The following SDK1 variants were observed in gnomAD, a reference collection of about 807,000 sequenced individuals.
SDK1 encodes the protein sidekick cell adhesion molecule 1.
SDK1 carries 157 observed loss-of-function variants against 245.5 expected under a neutral mutation model. That is an observed-to-expected ratio of 0.64 (90% CI 0.56 to 0.73). SDK1 has a LOEUF of 0.73. Among genes scored for constraint, SDK1 ranks in the 30% least tolerant of loss-of-function variants. The probability of loss-of-function intolerance (pLI) is 0.00; values close to 1 mark genes in which losing one functional copy is unlikely to be tolerated. For missense variants in SDK1, 3,583 were observed against 3,002.3 expected (o/e 1.19, Z -4.52); for synonymous variants, 1,647 against 1,278.5 (o/e 1.29, Z -6.15).
At chr7:3,894,112 C>G (rs1031639639) in intron 5 of SDK1, among the ~76,000 whole-genome samples, 1 of 152,186 alleles carries the variant, frequency 6.6e-6, no homozygotes, top group African/African-American at 2.4e-5. Flanking sequence ...ATGCTTGAAG[C>G]TTTTCATGCA....
chr7:3,809,764 C>T (rs1053621717), intron 4 of SDK1, among the ~76,000 whole-genome samples: 5 of 152,188 alleles, frequency 3.3e-5, no homozygotes, highest in Non-Finnish European at 5.9e-5. Flanking sequence ...TCACGTGGAG[C>T]GAGGGTCAAG....
At chr7:4,225,586 G>T (rs540546135) in intron 40 of SDK1, among the ~76,000 whole-genome samples, 2 of 152,200 alleles carry the variant, frequency 1.3e-5, no homozygotes, top group Non-Finnish European at 2.9e-5. Context: ...CCGGCTGCAC[G>T]AAGGGAACAG....
chr7:3,698,605 G>C (rs543773853), intron 4 of SDK1, among the ~76,000 whole-genome samples: 1 of 152,182 alleles, frequency 6.6e-6, no homozygotes, highest in South Asian at 2.1e-4. Context: ...CAAATACTGG[G>C]GCTTAGACAG....
chr7:4,110,801 G>C, intron 23 of SDK1, 29 bp downstream of exon 23: 1 of 1,511,634 alleles, frequency 6.6e-7, no homozygotes. Context: ...AGCTGTTACA[G>C]GAGGAAACAC....
chr7:3,468,124 GT>G (rs1169168014), intron 1 of SDK1, among the ~76,000 whole-genome samples: 1 of 152,088 alleles, frequency 6.6e-6, no homozygotes, highest in East Asian at 1.9e-4. Flanking sequence ...ATTCATTTCA[GT>G]TGTGAAAAGT....
chr7:3,923,682 C>A (rs1779670175), intron 5 of SDK1, among the ~76,000 whole-genome samples: 1 of 152,236 alleles, frequency 6.6e-6, no homozygotes, highest in South Asian at 2.1e-4. Flanking sequence ...GGGCTTCCAG[C>A]CACAGCAAGG....
Position 3,440,069 on chromosome 7 carries a change from T to A in SDK1, c.298+138185T>A, listed in dbSNP as rs144475625. ...CACCTGCATATTCATTTTTTTGTAGTTTCAGTCACCTGTGGTCCGAAAACA... is the reference window on the plus strand; with the variant it reads ...CACCTGCATATTCATTTTTTTGTAGATTCAGTCACCTGTGGTCCGAAAACA... On this transcript the variant is annotated intron_variant, in intron 1 of 44. Transcript: ENST00000404826. 8.5e-5 allele frequency among the ~76,000 whole-genome samples: 13 copies of A among 152,314 alleles called. 1 individual carries two copies. The East Asian group carries it at 2.5e-3, about 29-fold the overall frequency.
At chr7:3,443,067 T>C (rs1780243274) in intron 1 of SDK1, among the ~76,000 whole-genome samples, 1 of 27,328 alleles carries the variant, frequency 3.7e-5, no homozygotes, top group Non-Finnish European at 7.4e-5. Context: ...TCTAAGTGCT[T>C]TTTTTTTTTT....
chr7:4,130,126 C>G (rs1047469308), intron 27 of SDK1, 29 bp downstream of exon 27: 7 of 1,539,148 alleles, frequency 4.5e-6, no homozygotes, highest in Middle Eastern at 1.8e-4. Flanking sequence ...CCTTCGGGAG[C>G]CTTGCTGCCT....
At chr7:4,178,440 G>C (rs913537115) in intron 34 of SDK1, 45 bp from the exon 35 acceptor site, 1 of 1,387,326 alleles carries the variant, frequency 7.2e-7, no homozygotes, top group Admixed American at 1.7e-5. Flanking sequence ...AGAAAGAGAA[G>C]GTGGTCCTGG....
At chr7:4,161,568 T>G (rs996053002) in intron 31 of SDK1, among the ~76,000 whole-genome samples, 1 of 152,116 alleles carries the variant, frequency 6.6e-6, no homozygotes, top group Non-Finnish European at 1.5e-5. Context: ...GGTCTGTTTC[T>G]CGGGGCCATT....
chr7:3,583,750 G>A (rs528408390), intron 1 of SDK1, among the ~76,000 whole-genome samples: 3 of 152,296 alleles, frequency 2.0e-5, no homozygotes, highest in Admixed American at 6.5e-5. Flanking sequence ...CAGGAAGACT[G>A]CGTCCACCTG....
chr7:3,432,547 A>G (rs893781394), intron 1 of SDK1, among the ~76,000 whole-genome samples: 2 of 152,164 alleles, frequency 1.3e-5, no homozygotes. Context: ...TTAGGTAACT[A>G]TTTTAGTTAT....
chr7:4,217,637 C>T (rs1351694729), intron 38 of SDK1, among the ~76,000 whole-genome samples: 3 of 151,978 alleles, frequency 2.0e-5, no homozygotes, highest in East Asian at 1.9e-4. Context: ...CACCAGGCCA[C>T]CTGGAGCACC....
At chr7:4,204,947 C>T (rs1293137269) in intron 35 of SDK1, among the ~76,000 whole-genome samples, 3 of 92,376 alleles carry the variant, frequency 3.2e-5, no homozygotes, top group Admixed American at 9.0e-5. Flanking sequence ...TCCCAACTGC[C>T]TAAATGGCTG....
chr7:3,566,410 A>G (rs1268279248), intron 1 of SDK1, among the ~76,000 whole-genome samples: 1 of 151,964 alleles, frequency 6.6e-6, no homozygotes, highest in Non-Finnish European at 1.5e-5. Context: ...TATTTTCAGT[A>G]GAGACGGGGT....
intron 25 of SDK1, among the ~76,000 whole-genome samples, chr7:4,120,918 G>T (rs916095452): frequency 7.2e-6 from 1 of 138,006 alleles, no homozygotes; most frequent in African/African-American, 2.8e-5. Flanking sequence ...ACCCGGCCAA[G>T]AACACTCTTT....
chr7:3,973,442 CAATT>C (rs556795397), intron 12 of SDK1, among the ~76,000 whole-genome samples: 59 of 152,268 alleles, frequency 3.9e-4, no homozygotes, highest in African/African-American at 1.2e-3. Flanking sequence ...GGCAGGCTCT[CAATT>C]GATTGTGTAT....
At chr7:3,608,125 C>A (rs1202544869) in intron 1 of SDK1, among the ~76,000 whole-genome samples, 1 of 152,358 alleles carries the variant, frequency 6.6e-6, no homozygotes, top group East Asian at 1.9e-4. Context: ...ATCCGTGCCA[C>A]ACACCTATGA....
Sources: gnomAD v4.1 joint callset for allele counts (sites outside exome capture counted in the v4.1 genomes callset) on GRCh38, gnomAD v4.1.1 for gene constraint, MANE v1.5 for transcripts, NCBI Gene and HGNC (gene_info 2026-07-23, HGNC 2026-07-21) for gene names.